The following CNTNAP5 variants were observed in gnomAD, a reference collection of about 807,000 sequenced individuals.
CNTNAP5 encodes the protein contactin-associated protein-like 5.
A neutral mutation model predicts 150.2 loss-of-function variants in CNTNAP5; 72 were observed. The observed-to-expected ratio is 0.48, with a 90% CI of 0.40 to 0.58. The LOEUF is 0.58. Ranked by LOEUF, CNTNAP5 falls within the 20% of genes least tolerant of loss-of-function variation. The pLI, the probability that CNTNAP5 is intolerant of heterozygous loss-of-function variation, is 0.00. For synonymous variants in CNTNAP5, 672 were observed against 619.8 expected (o/e 1.08, Z -1.25); for missense variants, 1,636 against 1,626.2 (o/e 1.01, Z -0.10).
intron 13 of CNTNAP5, among the ~76,000 whole-genome samples, chr2:124,738,728 C>CAAA (rs35823681): frequency 0.25 from 31,933 of 129,604 alleles, 4,349 homozygotes; most frequent in Non-Finnish European, 0.34. Context: ...GAGACTCCAT[C>CAAA]AAAAAAAAAA....
At chr2:124,764,584 T>C (rs1681028484) in intron 16 of CNTNAP5, among the ~76,000 whole-genome samples, 1 of 152,186 alleles carries the variant, frequency 6.6e-6, no homozygotes. Context: ...AGCGTGTGAC[T>C]ATCCAATCAG....
chr2:124,916,031 T>C lies in CNTNAP5; in HGVS notation c.*1743T>C, dbSNP rs1678761586. 6.6e-6 allele frequency among the ~76,000 whole-genome samples: 1 copy of C among 152,074 alleles called. No individual in the cohort carries two copies. ...TGCTTAGGGTACACTGTCTCTCGCC[T>C]CTCACAATGAGGAACTTAGTTGCTT... On this transcript the variant is annotated 3_prime_UTR_variant, in exon 24 of 24. Coordinates refer to ENST00000682447, the MANE Select transcript of CNTNAP5 (RefSeq NM_001367498.1).
intron 3 of CNTNAP5, among the ~76,000 whole-genome samples, chr2:124,272,107 G>C (rs1365026025): frequency 1.3e-5 from 2 of 152,030 alleles, no homozygotes. Context: ...TGGTTTTTAA[G>C]CTTTAATTGT....
chr2:124,656,549 G>A (rs1055424994), intron 13 of CNTNAP5, among the ~76,000 whole-genome samples: 1 of 152,102 alleles, frequency 6.6e-6, no homozygotes, highest in Non-Finnish European at 1.5e-5. Context: ...ATTAGAAGTG[G>A]GTGGGTCTTA....
intron 3 of CNTNAP5, among the ~76,000 whole-genome samples, chr2:124,303,033 G>C (rs750149794): frequency 1.3e-5 from 2 of 152,108 alleles, no homozygotes; most frequent in Admixed American, 1.3e-4. Flanking sequence ...CCACCTTCCT[G>C]TTGTTCCTTT....
At chr2:124,043,361 A>T (rs557768613) in intron 1 of CNTNAP5, among the ~76,000 whole-genome samples, 26 of 152,306 alleles carry the variant, frequency 1.7e-4, no homozygotes, top group African/African-American at 5.8e-4. Flanking sequence ...CTTCCACTGT[A>T]CATAAGTCTG....
chr2:124,122,653 C>T (rs1208912290), intron 1 of CNTNAP5, among the ~76,000 whole-genome samples: 2 of 152,014 alleles, frequency 1.3e-5, no homozygotes, highest in East Asian at 1.9e-4. Flanking sequence ...CACAGAGCTT[C>T]GATTTACTGG....
intron 1 of CNTNAP5, among the ~76,000 whole-genome samples, chr2:124,049,653 G>T (rs1285793270): frequency 5.9e-5 from 9 of 152,132 alleles, no homozygotes; most frequent in Non-Finnish European, 1.5e-5. Flanking sequence ...ACTGTAACAT[G>T]AAGGTAATGA....
At chr2:124,424,670 T>C (rs1692196952) in intron 4 of CNTNAP5, among the ~76,000 whole-genome samples, 2 of 152,278 alleles carry the variant, frequency 1.3e-5, no homozygotes, top group Admixed American at 1.3e-4. Context: ...CTTTATAACT[T>C]TTCTGACTGG....
intron 1 of CNTNAP5, among the ~76,000 whole-genome samples, chr2:124,057,281 C>T (rs564950507): frequency 1.1e-5 from 1 of 91,764 alleles, no homozygotes; most frequent in East Asian, 3.3e-4. Context: ...TTAACAAGTC[C>T]ATTTTTTTTT....
intron 1 of CNTNAP5, among the ~76,000 whole-genome samples, chr2:124,099,930 C>T (rs1349480672): frequency 1.3e-5 from 2 of 152,176 alleles, no homozygotes; most frequent in Non-Finnish European, 2.9e-5. Context: ...CCACAAAGCC[C>T]ACTTCCAACA....
At chr2:124,450,424 A>T (rs768023987) in intron 6 of CNTNAP5, among the ~76,000 whole-genome samples, 2 of 151,912 alleles carry the variant, frequency 1.3e-5, no homozygotes, top group African/African-American at 4.8e-5. Context: ...ACCTTAGGGG[A>T]TATCAATCAA....
At position 124,727,209 on chromosome 2, in the gene CNTNAP5, A is replaced by G. The variant is rs370322129; in HGVS notation, c.2078-20020A>G. 2.0e-4 allele frequency among the ~76,000 whole-genome samples: 31 copies of G among 152,164 alleles called. 1 individual carries two copies. Among genetic ancestry groups the G allele is most frequent in the African/African-American group, 7.5e-4 (31 of 41,558 alleles). On this transcript the variant is annotated intron_variant, in intron 13 of 23. Transcript: ENST00000682447. ...GTTGGCCTATATGTCTGCTTTTATG[A>G]TAGTACCATATTATTATGACTACTG...
intron 13 of CNTNAP5, among the ~76,000 whole-genome samples, chr2:124,724,779 A>C (rs1307733245): frequency 6.6e-6 from 1 of 152,046 alleles, no homozygotes; most frequent in Non-Finnish European, 1.5e-5. Context: ...AGTGGGAGGG[A>C]GGGTCATGGG....
intron 11 of CNTNAP5, among the ~76,000 whole-genome samples, chr2:124,571,122 A>G (rs1696142687): frequency 6.6e-6 from 1 of 152,212 alleles, no homozygotes; most frequent in African/African-American, 2.4e-5. Flanking sequence ...TGCTGTTTAA[A>G]TAGACAGAGG....
chr2:124,644,152 G>T (rs74362942), intron 12 of CNTNAP5, among the ~76,000 whole-genome samples: 3 of 152,266 alleles, frequency 2.0e-5, no homozygotes, highest in Admixed American at 1.3e-4. Context: ...CCCATCTAAA[G>T]GATGGTCAAA....
intron 13 of CNTNAP5, among the ~76,000 whole-genome samples, chr2:124,706,839 G>GAA (rs1679662435): frequency 1.0e-3 from 3 of 2,906 alleles, no homozygotes; most frequent in Non-Finnish European, 3.0e-3. Flanking sequence ...AGGAGGAGGG[G>GAA]GAGGAAGGAG....
intron 11 of CNTNAP5, among the ~76,000 whole-genome samples, chr2:124,575,009 C>G (rs1167288244): frequency 6.6e-6 from 1 of 152,176 alleles, no homozygotes; most frequent in South Asian, 2.1e-4. Context: ...CGTGAAATCT[C>G]TCTGACAAGT....
chr2:124,715,892 C>T (rs1209923675), intron 13 of CNTNAP5, among the ~76,000 whole-genome samples: 2 of 152,040 alleles, frequency 1.3e-5, no homozygotes, highest in East Asian at 1.9e-4. Context: ...TACCAAGTCC[C>T]CTTCTCAAAA....
Sources: gnomAD v4.1 joint callset for allele counts (sites outside exome capture counted in the v4.1 genomes callset) on GRCh38, gnomAD v4.1.1 for gene constraint, MANE v1.5 for transcripts, NCBI Gene and HGNC (gene_info 2026-07-23, HGNC 2026-07-21) for gene names.